KCNIP4: variants seen among roughly 807,000 people sequenced by gnomAD.
KCNIP4 encodes the protein potassium voltage-gated channel interacting protein 4, also known as Kv channel-interacting protein 4.
In KCNIP4, 12 loss-of-function variants were observed where a neutral mutation model predicts 34.0. The ratio of observed to expected loss-of-function variants is 0.35; its 90% CI spans 0.23 to 0.57. KCNIP4 has a LOEUF of 0.57. Ranked by LOEUF, KCNIP4 falls within the 20% of genes least tolerant of loss-of-function variation. The probability of loss-of-function intolerance (pLI) is 0.83; values close to 1 mark genes in which losing one functional copy is unlikely to be tolerated. For synonymous variants in KCNIP4, 124 were observed against 102.2 expected, an observed-to-expected ratio of 1.21 and a Z score of -1.29; for missense variants, 238 against 311.7, an observed-to-expected ratio of 0.76 and a Z score of 1.78.
intron 1 of KCNIP4, among the ~76,000 whole-genome samples, chr4:21,474,899 G>A (rs756837727): frequency 9.3e-5 from 14 of 151,238 alleles, no homozygotes; most frequent in Non-Finnish European, 1.9e-4. Flanking sequence ...TACTTAGGAG[G>A]CTGAGGCAGG....
chr4:21,012,235 T>G (rs1739122025), intron 1 of KCNIP4, among the ~76,000 whole-genome samples: 1 of 152,128 alleles, frequency 6.6e-6, no homozygotes, highest in African/African-American at 2.4e-5. Flanking sequence ...TTGAATATAA[T>G]TTAATCTAGG....
At chr4:21,129,061 G>A (rs544385970) in intron 1 of KCNIP4, among the ~76,000 whole-genome samples, 11 of 152,320 alleles carry the variant, frequency 7.2e-5, no homozygotes, top group African/African-American at 2.6e-4. Flanking sequence ...GCAGGGTCAG[G>A]TGGAGATAAC....
chr4:20,990,078 C>T (rs1043147070), intron 1 of KCNIP4, among the ~76,000 whole-genome samples: 2 of 152,186 alleles, frequency 1.3e-5, no homozygotes, highest in African/African-American at 4.8e-5. Flanking sequence ...CACTTAACAT[C>T]AGGACTTGAT....
intron 1 of KCNIP4, among the ~76,000 whole-genome samples, chr4:21,091,137 T>C (rs1359199096): frequency 6.6e-6 from 1 of 152,192 alleles, no homozygotes; most frequent in Non-Finnish European, 1.5e-5. Flanking sequence ...TCATGCATCA[T>C]TCTCATAAAA....
Position 21,790,064 on chromosome 4 carries a change from G to A in KCNIP4, c.61+158507C>T, listed in dbSNP as rs115074308. Among the ~76,000 whole-genome samples, 217 of 152,270 alleles carry A rather than the reference G, an allele frequency of 1.4e-3. 1 individual carries two copies. Among genetic ancestry groups the A allele is most frequent in the African/African-American group, 4.2e-3 (176 of 41,560 alleles). On this transcript the variant is annotated intron_variant, in intron 1 of 8. Coordinates refer to ENST00000382152, the MANE Select transcript of KCNIP4 (RefSeq NM_025221.6). ...AAGCTGCCTCAGCATGTCATTTAAC[G>A]GAAAGAGCTCCAGGCAAAGCCATTA... is the stretch of plus-strand genomic sequence containing the variant.
intron 1 of KCNIP4, among the ~76,000 whole-genome samples, chr4:21,139,744 TCCG>T (rs1751798786): frequency 2.8e-5 from 1 of 35,098 alleles, no homozygotes; most frequent in African/African-American, 1.9e-4. Flanking sequence ...TTTCTCTCCG[TCCG>T]TCCATAGATG....
intron 1 of KCNIP4, among the ~76,000 whole-genome samples, chr4:21,417,135 C>T (rs1015318984): frequency 6.6e-6 from 1 of 152,118 alleles, no homozygotes; most frequent in African/African-American, 2.4e-5. Flanking sequence ...GTCTTCACTC[C>T]CTCTCACTCT....
At chr4:21,354,087 C>T (rs946048398) in intron 1 of KCNIP4, among the ~76,000 whole-genome samples, 1 of 152,156 alleles carries the variant, frequency 6.6e-6, no homozygotes, top group Non-Finnish European at 1.5e-5. Context: ...TCTTTACAGA[C>T]AAGCAAATGC....
chr4:21,137,337 T>G (rs1751579385), intron 1 of KCNIP4, among the ~76,000 whole-genome samples: 1 of 152,182 alleles, frequency 6.6e-6, no homozygotes, highest in African/African-American at 2.4e-5. Flanking sequence ...GGAACAGAAC[T>G]TAAATCCCTT....
chr4:21,443,151 T>G (rs773234027), intron 1 of KCNIP4, among the ~76,000 whole-genome samples: 1 of 152,190 alleles, frequency 6.6e-6, no homozygotes, highest in Admixed American at 6.5e-5. Flanking sequence ...CTCTCTAATC[T>G]GTATCATTGA....
chr4:21,512,065 G>A (rs908828871), intron 1 of KCNIP4, among the ~76,000 whole-genome samples: 3 of 138,168 alleles, frequency 2.2e-5, no homozygotes, highest in Admixed American at 7.2e-5. Flanking sequence ...ATGAAGGAAG[G>A]AAGGAAGGAA....
At chr4:21,703,638 T>C (rs937734812) in intron 1 of KCNIP4, among the ~76,000 whole-genome samples, 1 of 152,152 alleles carries the variant, frequency 6.6e-6, no homozygotes, top group East Asian at 1.9e-4. Flanking sequence ...AAATACAATA[T>C]CATTTACAAT....
chr4:21,523,328 T>C (rs1033982654), intron 1 of KCNIP4, among the ~76,000 whole-genome samples: 4 of 152,150 alleles, frequency 2.6e-5, no homozygotes, highest in Admixed American at 6.6e-5. Flanking sequence ...TGTGTGTGTG[T>C]GTCTGTGTGT....
chr4:21,012,156 C>T (rs1739116146), intron 1 of KCNIP4, among the ~76,000 whole-genome samples: 1 of 152,194 alleles, frequency 6.6e-6, no homozygotes, highest in Non-Finnish European at 1.5e-5. Flanking sequence ...AGAGTCAAGC[C>T]TTGTGGTTCC....
chr4:20,739,432 T>C (rs536017913), intron 5 of KCNIP4, among the ~76,000 whole-genome samples: 2 of 152,306 alleles, frequency 1.3e-5, no homozygotes, highest in South Asian at 4.1e-4. Context: ...TAGCCTCTGC[T>C]GGTGATAACC....
At chr4:21,821,830 T>C (rs1419154013) in intron 1 of KCNIP4, among the ~76,000 whole-genome samples, 1 of 152,134 alleles carries the variant, frequency 6.6e-6, no homozygotes, top group African/African-American at 2.4e-5. Flanking sequence ...ACCCTATTCA[T>C]TAAGCCTCTT....
At chr4:21,331,616 T>C (rs1029147866) in intron 1 of KCNIP4, among the ~76,000 whole-genome samples, 3 of 152,094 alleles carry the variant, frequency 2.0e-5, no homozygotes, top group Non-Finnish European at 2.9e-5. Context: ...GTTTGATATG[T>C]GTCAGGTCTT....
chr4:21,273,400 C>T (rs2322882), intron 1 of KCNIP4, among the ~76,000 whole-genome samples: 38,994 of 151,930 alleles, frequency 0.26, 5,189 homozygotes, highest in South Asian at 0.35. Flanking sequence ...TCTGACTTCC[C>T]TCCTGTATTA....
chr4:21,447,411 C>T (rs1404208699), intron 1 of KCNIP4, among the ~76,000 whole-genome samples: 1 of 152,066 alleles, frequency 6.6e-6, no homozygotes. Context: ...CATCTGGACT[C>T]CAGAATTGTG....
Sources: allele counts gnomAD v4.1 joint callset (sites outside exome capture counted in the v4.1 genomes callset), GRCh38; gene constraint gnomAD v4.1.1; transcripts MANE v1.5; gene names NCBI Gene and HGNC (gene_info 2026-07-23, HGNC 2026-07-21).